PDE6A: variants seen among roughly 807,000 people sequenced by gnomAD.
PDE6A encodes phosphodiesterase 6A.
In PDE6A, 84 loss-of-function variants were observed where a neutral mutation model predicts 106.3. The observed-to-expected ratio is 0.79, with a 90% CI of 0.66 to 0.95. The LOEUF is 0.95. Among genes scored for constraint, PDE6A ranks in the 40% least tolerant of loss-of-function variants. The probability of loss-of-function intolerance (pLI) is 0.00; values close to 1 mark genes in which losing one functional copy is unlikely to be tolerated. For synonymous variants in PDE6A, 394 were observed against 386.6 expected, an observed-to-expected ratio of 1.02 and a Z score of -0.23; for missense variants, 1,052 against 1,084.9, an observed-to-expected ratio of 0.97 and a Z score of 0.43.
At chr5:149,869,480 A>C (rs1004344163) in intron 17 of PDE6A, among the ~76,000 whole-genome samples, 2 of 152,114 alleles carry the variant, frequency 1.3e-5, no homozygotes, top group Admixed American at 6.6e-5. Context: ...ATAGAAAGGG[A>C]GGGGACACGG....
chr5:149,888,733 G>A (rs888013564), intron 13 of PDE6A, among the ~76,000 whole-genome samples: 2 of 151,892 alleles, frequency 1.3e-5, no homozygotes, highest in Non-Finnish European at 2.9e-5. Context: ...GTTGTAGAAG[G>A]CTTGTGGAAG....
intron 4 of PDE6A, 55 bp downstream of exon 4, chr5:149,930,969 CGTCA>C: frequency 9.1e-6 from 14 of 1,539,102 alleles, no homozygotes; most frequent in Non-Finnish European, 1.3e-5. Context: ...AGACTCTAGC[CGTCA>C]GTCAGTGTCT....
At chr5:149,925,535 C>T (rs1449302789) in intron 4 of PDE6A, among the ~76,000 whole-genome samples, 1 of 151,800 alleles carries the variant, frequency 6.6e-6, no homozygotes, top group African/African-American at 2.4e-5. Flanking sequence ...GACGAAACCC[C>T]ATCTGTGCTA....
chr5:149,911,171 G>A (rs914175435), intron 6 of PDE6A, among the ~76,000 whole-genome samples: 14 of 152,016 alleles, frequency 9.2e-5, no homozygotes, highest in African/African-American at 3.4e-4. Flanking sequence ...GTGAGCCACT[G>A]TGCCCGGCAA....
At chr5:149,901,748 A>G (rs778805856) in intron 8 of PDE6A, among the ~76,000 whole-genome samples, 5 of 152,200 alleles carry the variant, frequency 3.3e-5, no homozygotes, top group Admixed American at 2.0e-4. Context: ...GGCTTGTCGC[A>G]TTGATGTGGT....
chr5:149,867,351 A>C, intron 19 of PDE6A: 1 of 351,292 alleles, frequency 2.8e-6, no homozygotes. Context: ...AGGTGGATGG[A>C]CTTCTAGACC....
At chr5:149,913,594 CT>C (rs1753454720) in intron 6 of PDE6A, among the ~76,000 whole-genome samples, 1 of 152,136 alleles carries the variant, frequency 6.6e-6, no homozygotes. Context: ...ATCACACCCA[CT>C]TCTTGAAGAT....
chr5:149,896,606 A>G, intron 11 of PDE6A, 104 bp from the exon 12 acceptor site: 1 of 1,613,792 alleles, frequency 6.2e-7, no homozygotes, highest in Non-Finnish European at 8.5e-7. Context: ...GAAGGATCAG[A>G]ACAGAGTGAT....
chr5:149,863,709 A>T lies in PDE6A; in HGVS notation c.2359-443T>A, dbSNP rs1287080645. Among the ~76,000 whole-genome samples the T allele has an allele frequency of 6.6e-6, 1 of 151,868 alleles. No homozygotes were observed. Among genetic ancestry groups the T allele is most frequent in the African/African-American group, 2.4e-5 (1 of 41,288 alleles). On this transcript the variant is annotated intron_variant, in intron 20 of 21. Coordinates refer to ENST00000255266, the MANE Select transcript of PDE6A (RefSeq NM_000440.3). This position sits in a 1 kb window ranked among gnomAD's most constrained non-coding sequence, Gnocchi z 4.7. ...CACAAACATAGCTCACTGCAGCCTC[A>T]AACTCCTGGGCTCAACCCATCCTCC...
At chr5:149,872,078 C>A (rs961424760) in intron 17 of PDE6A, among the ~76,000 whole-genome samples, 4 of 152,142 alleles carry the variant, frequency 2.6e-5, no homozygotes, top group Admixed American at 6.5e-5. Context: ...AGTAGACGAA[C>A]TGTCAAGAGG....
chr5:149,879,177 C>G (rs1264730962), intron 17 of PDE6A, among the ~76,000 whole-genome samples: 2 of 152,032 alleles, frequency 1.3e-5, no homozygotes, highest in Admixed American at 6.6e-5. Context: ...ATTCAAGCCA[C>G]TCTCCTGCTT....
At chr5:149,868,308 T>C (rs1760410191) in intron 17 of PDE6A, 150 bp from the exon 18 acceptor site, 1 of 767,024 alleles carries the variant, frequency 1.3e-6, no homozygotes, top group Admixed American at 2.1e-5. Flanking sequence ...CATCCAGGGG[T>C]TGGGCTTTGA....
chr5:149,940,652 C>A (rs1469781863), intron 1 of PDE6A, among the ~76,000 whole-genome samples: 1 of 152,104 alleles, frequency 6.6e-6, no homozygotes, highest in Non-Finnish European at 1.5e-5. Flanking sequence ...CATGCACCCC[C>A]AGGCCCAGCT....
At chr5:149,941,886 AT>A (rs1225208843) in intron 1 of PDE6A, among the ~76,000 whole-genome samples, 2 of 151,790 alleles carry the variant, frequency 1.3e-5, no homozygotes, top group South Asian at 2.1e-4. Context: ...TTTTTTAGCA[AT>A]TTTTTTCTTT....
chr5:149,906,284 G>C (rs1264063642), intron 7 of PDE6A, among the ~76,000 whole-genome samples: 1 of 151,586 alleles, frequency 6.6e-6, no homozygotes, highest in Non-Finnish European at 1.5e-5. Flanking sequence ...CCAGCACTTT[G>C]GGAGGTTGAG....
At chr5:149,876,811 A>G (rs1221429002) in intron 17 of PDE6A, among the ~76,000 whole-genome samples, 2 of 152,116 alleles carry the variant, frequency 1.3e-5, no homozygotes, top group Non-Finnish European at 2.9e-5. Flanking sequence ...GCATGTTACA[A>G]TACATCCAAC....
At chr5:149,895,032 T>A (rs1351466138) in intron 13 of PDE6A, 151 bp downstream of exon 13, 2 of 654,708 alleles carry the variant, frequency 3.1e-6, no homozygotes, top group Admixed American at 2.2e-5. Context: ...CTTGGAATCC[T>A]TTTACACTAA....
intron 5 of PDE6A, among the ~76,000 whole-genome samples, chr5:149,918,400 T>C (rs1042024435): frequency 2.6e-5 from 4 of 152,102 alleles, no homozygotes; most frequent in African/African-American, 7.2e-5. Context: ...AGAGTGGTGG[T>C]GGTGGAATAC....
chr5:149,894,043 A>G (rs1752641052), intron 13 of PDE6A, among the ~76,000 whole-genome samples: 2 of 152,188 alleles, frequency 1.3e-5, no homozygotes, highest in Admixed American at 1.3e-4. Context: ...AGTTATAGGG[A>G]ATTTAAAGCT....
Sources: gnomAD v4.1 joint callset for allele counts (sites outside exome capture counted in the v4.1 genomes callset) on GRCh38, gnomAD v4.1.1 for gene constraint, Gnocchi (gnomAD v3.1) non-coding constraint, MANE v1.5 for transcripts, NCBI Gene and HGNC (gene_info 2026-07-23, HGNC 2026-07-21) for gene names.